Variants in ERC1 observed in about 807,000 individuals in gnomAD.
ERC1 encodes the protein RAB6 interacting protein 2.
In ERC1, 56 loss-of-function variants were observed where a neutral mutation model predicts 132.0. The observed-to-expected ratio is 0.42, with a 90% confidence interval of 0.34 to 0.53. The LOEUF (loss-of-function observed/expected upper bound fraction) is 0.53, where lower values mean the gene tolerates loss of function less well. Ranked by LOEUF, ERC1 falls within the 20% of genes least tolerant of loss-of-function variation. ERC1 has a pLI of 0.03. For synonymous variants in ERC1, 478 were observed against 476.1 expected (o/e 1.00, Z -0.05); for missense variants, 1,202 against 1,349.9 (o/e 0.89, Z 1.72).
intron 2 of ERC1, among the ~76,000 whole-genome samples, chr12:1,071,810 A>G (rs1052854953): frequency 1.3e-5 from 2 of 152,154 alleles, no homozygotes; most frequent in African/African-American, 2.4e-5. Flanking sequence ...TTAAAAGTAT[A>G]AAGTCTGAGG....
intron 17 of ERC1, among the ~76,000 whole-genome samples, chr12:1,434,599 C>G (rs566756950): frequency 2.6e-5 from 4 of 152,202 alleles, no homozygotes; most frequent in African/African-American, 4.8e-5. Flanking sequence ...GGGCTGCCCC[C>G]CTTTGCCACT....
intron 16 of ERC1, among the ~76,000 whole-genome samples, chr12:1,397,500 T>C (rs1247714615): frequency 6.6e-6 from 1 of 152,206 alleles, no homozygotes; most frequent in Non-Finnish European, 1.5e-5. Context: ...GAAAGATCTC[T>C]ATTGATATGG....
At chr12:1,383,120 T>G (rs1352112003) in intron 16 of ERC1, among the ~76,000 whole-genome samples, 1 of 152,186 alleles carries the variant, frequency 6.6e-6, no homozygotes, top group Non-Finnish European at 1.5e-5. Flanking sequence ...ACTGCTGCCT[T>G]TTATGATGCC....
intron 18 of ERC1, among the ~76,000 whole-genome samples, chr12:1,471,480 A>G (rs2093860391): frequency 6.6e-6 from 1 of 152,246 alleles, no homozygotes; most frequent in African/African-American, 2.4e-5. Flanking sequence ...TAATCATCAG[A>G]AAGCAAACAT....
At chr12:1,069,565 A>G (rs1412232678) in intron 2 of ERC1, among the ~76,000 whole-genome samples, 3 of 152,202 alleles carry the variant, frequency 2.0e-5, no homozygotes, top group Non-Finnish European at 4.4e-5. Flanking sequence ...GAATGGATAC[A>G]TTGATATTAT....
At chr12:1,299,831 TA>T (rs1199404873) in intron 15 of ERC1, among the ~76,000 whole-genome samples, 1 of 152,052 alleles carries the variant, frequency 6.6e-6, no homozygotes, top group East Asian at 1.9e-4. Flanking sequence ...TAAAGACACG[TA>T]AAAAGATAAG....
chr12:1,294,000 T>C (rs2079709419), intron 15 of ERC1, among the ~76,000 whole-genome samples: 1 of 152,182 alleles, frequency 6.6e-6, no homozygotes, highest in Non-Finnish European at 1.5e-5. Flanking sequence ...GAAAACAATA[T>C]GTTGTACAGT....
intron 12 of ERC1, among the ~76,000 whole-genome samples, chr12:1,213,291 T>G (rs752104071): frequency 2.0e-5 from 3 of 152,194 alleles, no homozygotes; most frequent in Admixed American, 6.5e-5. Context: ...ACTTTCACAT[T>G]CACCATCTAA....
rs552153313 is a variant in ERC1 at position 1,009,421 on chromosome 12, A to G, written c.-157+18099A>G. Among the ~76,000 whole-genome samples, 12 of 152,050 alleles carry G rather than the reference A, an allele frequency of 7.9e-5. No individual in the cohort carries two copies. The South Asian group carries it at 8.3e-4, about 11-fold the overall frequency. ...GATCTCCTGACCTCGTGATCCGCCCACCTCGGCCTCCCAAAGTGCTGGGAT... is the reference window on the plus strand; with the variant it reads ...GATCTCCTGACCTCGTGATCCGCCCGCCTCGGCCTCCCAAAGTGCTGGGAT... On this transcript the variant is annotated intron_variant, in intron 1 of 18. Transcript: ENST00000360905.
chr12:1,032,931 G>A (rs978265599), intron 2 of ERC1, among the ~76,000 whole-genome samples: 10 of 151,910 alleles, frequency 6.6e-5, no homozygotes, highest in African/African-American at 2.4e-4. Flanking sequence ...GGAGTGCAGT[G>A]GCGTAACCTT....
chr12:1,372,516 T>C (rs1237011387), intron 16 of ERC1, among the ~76,000 whole-genome samples: 2 of 152,240 alleles, frequency 1.3e-5, no homozygotes, highest in African/African-American at 4.8e-5. Context: ...CACAACAGTA[T>C]GAATGTACCT....
chr12:1,468,210 C>A (rs2093784412), intron 18 of ERC1, among the ~76,000 whole-genome samples: 1 of 152,106 alleles, frequency 6.6e-6, no homozygotes, highest in South Asian at 2.1e-4. Flanking sequence ...GGTAAAGACT[C>A]ATGGAAAAGA....
At chr12:1,331,877 T>C (rs1029422255) in intron 15 of ERC1, among the ~76,000 whole-genome samples, 2 of 152,228 alleles carry the variant, frequency 1.3e-5, no homozygotes. Flanking sequence ...TCTCTCCTTA[T>C]AGTCATTGCT....
At chr12:1,358,166 G>GA (rs1337468456) in intron 15 of ERC1, among the ~76,000 whole-genome samples, 2 of 135,162 alleles carry the variant, frequency 1.5e-5, no homozygotes, top group Non-Finnish European at 3.1e-5. Context: ...TCATGCCTGT[G>GA]AAAAAACATT....
intron 14 of ERC1, among the ~76,000 whole-genome samples, chr12:1,279,938 C>T (rs2078560605): frequency 6.6e-6 from 1 of 152,156 alleles, no homozygotes; most frequent in Non-Finnish European, 1.5e-5. Flanking sequence ...TCATGATCCA[C>T]CCTCCTCAGC....
At chr12:1,354,891 C>G (rs1164660367) in intron 15 of ERC1, among the ~76,000 whole-genome samples, 2 of 152,160 alleles carry the variant, frequency 1.3e-5, no homozygotes, top group Admixed American at 6.5e-5. Context: ...ATCCGCCCAC[C>G]TCAGCCTCCC....
chr12:1,226,432 G>GA (rs779940571), intron 12 of ERC1, among the ~76,000 whole-genome samples: 5 of 152,146 alleles, frequency 3.3e-5, no homozygotes, highest in Non-Finnish European at 5.9e-5. Context: ...TGTGTTGTTA[G>GA]AACCCTTAAG....
chr12:1,215,953 A>G lies in ERC1; in HGVS notation c.2352-20816A>G, dbSNP rs1289656221. Among the ~76,000 whole-genome samples, 10 of 152,360 alleles carry G rather than the reference A, an allele frequency of 6.6e-5. No individual in the cohort carries two copies. In the East Asian group the frequency reaches 1.5e-3, roughly 23 times the overall value. ...CAACTTTTATAATTCAATTGTGTGC[A>G]TATGGAATCTTTGTAAATTAAGTCA... On this transcript the variant is annotated intron_variant, in intron 12 of 18. Coordinates refer to ENST00000360905, the MANE Select transcript of ERC1 (RefSeq NM_178040.4).
chr12:1,194,958 C>CG (rs1233275535), intron 12 of ERC1, among the ~76,000 whole-genome samples: 3 of 67,626 alleles, frequency 4.4e-5, no homozygotes, highest in Non-Finnish European at 9.3e-5. Context: ...TTTTTGGGGG[C>CG]GGGGGGCAGG....
Sources: allele counts gnomAD v4.1 joint callset (sites outside exome capture counted in the v4.1 genomes callset), GRCh38; gene constraint gnomAD v4.1.1; transcripts MANE v1.5; gene names NCBI Gene and HGNC (gene_info 2026-07-23, HGNC 2026-07-21).